Variants in KAZN observed in about 807,000 individuals in gnomAD.
KAZN encodes kazrin.
In KAZN, 40 loss-of-function variants were observed where a neutral mutation model predicts 87.4. The ratio of observed to expected loss-of-function variants is 0.46; its 90% CI spans 0.36 to 0.60. The LOEUF (loss-of-function observed/expected upper bound fraction) is 0.60. Ranked by LOEUF, KAZN falls within the 20% of genes least tolerant of loss-of-function variation. The probability of loss-of-function intolerance (pLI) is 0.00; values close to 1 mark genes in which losing one functional copy is unlikely to be tolerated. For missense variants in KAZN, 898 were observed against 1,073.9 expected, an observed-to-expected ratio of 0.84 and a Z score of 2.29; for synonymous variants, 466 against 458.3, an observed-to-expected ratio of 1.02 and a Z score of -0.22.
intron 1 of KAZN, among the ~76,000 whole-genome samples, chr1:13,965,159 C>T (rs970746372): frequency 6.6e-6 from 1 of 151,946 alleles, no homozygotes; most frequent in South Asian, 2.1e-4. Flanking sequence ...GAGGGGTGGG[C>T]GCTAGAGAGG....
chr1:14,880,536 AG>A (rs1239525504), intron 1 of KAZN, among the ~76,000 whole-genome samples: 1 of 152,180 alleles, frequency 6.6e-6, no homozygotes, highest in South Asian at 2.1e-4. Context: ...CATGATGTTC[AG>A]GGCCTCATCT....
At chr1:14,747,554 A>G (rs943178620) in intron 1 of KAZN, among the ~76,000 whole-genome samples, 1 of 152,244 alleles carries the variant, frequency 6.6e-6, no homozygotes, top group African/African-American at 2.4e-5. Flanking sequence ...TGCAGGGATT[A>G]TAGGCGCAAG....
chr1:14,730,031 A>C (rs1163307474), intron 1 of KAZN, among the ~76,000 whole-genome samples: 1 of 152,080 alleles, frequency 6.6e-6, no homozygotes, highest in Admixed American at 6.6e-5. Flanking sequence ...CAAAGCCCCA[A>C]ATTTTTATCA....
intron 1 of KAZN, among the ~76,000 whole-genome samples, chr1:14,128,165 G>A (rs1191729741): frequency 6.6e-6 from 1 of 152,130 alleles, no homozygotes; most frequent in Non-Finnish European, 1.5e-5. Context: ...CTTTTTGTGT[G>A]CTTGGGGGCA....
chr1:14,963,278 A>G (rs1052998086), intron 2 of KAZN, among the ~76,000 whole-genome samples: 8 of 152,212 alleles, frequency 5.3e-5, no homozygotes, highest in Non-Finnish European at 1.0e-4. Context: ...CTGGGTGCCA[A>G]CACTCTTCTA....
rs1553178777 is a variant in KAZN, at chr1:15,041,339, T to TTTTTTTTG, written c.556-2641_556-2634dup. 1.0e-4 allele frequency among the ~76,000 whole-genome samples: 15 copies of TTTTTTTTG among 145,764 alleles called. 1 individual carries two copies. Among genetic ancestry groups the TTTTTTTTG allele is most frequent in the South Asian group, 6.7e-4 (3 of 4,496 alleles). On this transcript the variant is annotated intron_variant, in intron 3 of 14. Transcript: ENST00000376030. Reference sequence around the variant, plus strand: ...CTCTCCGCATTTTTTTTCTTTTTTTTTTTTTTTGTTTTTTTGAGATGGAGT... The same window carrying TTTTTTTTG: ...CTCTCCGCATTTTTTTTCTTTTTTTTTTTTTTTGTTTTTTTGTTTTTTTGAGATGGAGT...
chr1:14,940,180 G>A (rs1193910380), intron 1 of KAZN, among the ~76,000 whole-genome samples: 1 of 152,206 alleles, frequency 6.6e-6, no homozygotes, highest in Non-Finnish European at 1.5e-5. Context: ...TGGGAAAGTA[G>A]CTGTGGTGGG....
At chr1:14,778,468 G>A (rs561605514) in intron 1 of KAZN, among the ~76,000 whole-genome samples, 16 of 151,814 alleles carry the variant, frequency 1.1e-4, no homozygotes, top group Non-Finnish European at 1.8e-4. Context: ...AATGCCTCCC[G>A]TCCCGTCAGG....
intron 1 of KAZN, among the ~76,000 whole-genome samples, chr1:14,751,159 A>G (rs1572392000): frequency 1.3e-5 from 2 of 152,102 alleles, no homozygotes; most frequent in African/African-American, 2.4e-5. Flanking sequence ...TGCTCATTTT[A>G]TGTTCACCCT....
intron 2 of KAZN, among the ~76,000 whole-genome samples, chr1:14,978,064 T>C (rs893432046): frequency 6.6e-6 from 1 of 151,802 alleles, no homozygotes; most frequent in Non-Finnish European, 1.5e-5. Context: ...TGCTATGGGG[T>C]CCATATATTG....
intron 2 of KAZN, among the ~76,000 whole-genome samples, chr1:14,373,980 A>G (rs1660704798): frequency 6.6e-6 from 1 of 152,200 alleles, no homozygotes; most frequent in Non-Finnish European, 1.5e-5. Flanking sequence ...GTGTAAACTA[A>G]CATAAGCCAA....
chr1:14,168,625 T>G (rs1645883596), intron 1 of KAZN, among the ~76,000 whole-genome samples: 1 of 152,044 alleles, frequency 6.6e-6, no homozygotes, highest in Non-Finnish European at 1.5e-5. Flanking sequence ...GTGACTTGAG[T>G]ACAAAACTGG....
chr1:14,097,737 A>T (rs1644160019), intron 1 of KAZN, among the ~76,000 whole-genome samples: 1 of 152,212 alleles, frequency 6.6e-6, no homozygotes, highest in South Asian at 2.1e-4. Flanking sequence ...TCATTTAGTT[A>T]GCTCAATCTG....
intron 2 of KAZN, among the ~76,000 whole-genome samples, chr1:14,426,682 G>A (rs186144439): frequency 3.3e-4 from 50 of 152,268 alleles, no homozygotes; most frequent in Non-Finnish European, 2.4e-4. Context: ...CAGGGCCCGG[G>A]TAGTCATGAG....
intron 1 of KAZN, among the ~76,000 whole-genome samples, chr1:14,882,456 A>T (rs902643794): frequency 6.6e-6 from 1 of 151,886 alleles, no homozygotes; most frequent in African/African-American, 2.4e-5. Flanking sequence ...TAGTAGGGGG[A>T]CTGGTCCATT....
At chr1:14,966,974 A>T (rs1034556500) in intron 2 of KAZN, among the ~76,000 whole-genome samples, 1 of 152,146 alleles carries the variant, frequency 6.6e-6, no homozygotes, top group Non-Finnish European at 1.5e-5. Context: ...CGGCCCCCGC[A>T]TATGTATTAC....
chr1:14,068,160 G>A (rs1412564485), intron 1 of KAZN, among the ~76,000 whole-genome samples: 1 of 152,118 alleles, frequency 6.6e-6, no homozygotes, highest in Admixed American at 6.6e-5. Context: ...CAAACATATT[G>A]ATGCAGAAAC....
intron 1 of KAZN, among the ~76,000 whole-genome samples, chr1:14,028,105 T>C (rs1219808495): frequency 4.6e-5 from 7 of 152,202 alleles, no homozygotes; most frequent in African/African-American, 7.2e-5. Flanking sequence ...TGGAGTAGCT[T>C]CTGTCCCCCC....
intron 1 of KAZN, among the ~76,000 whole-genome samples, chr1:14,155,170 T>G (rs1028130347): frequency 6.6e-6 from 1 of 152,120 alleles, no homozygotes; most frequent in South Asian, 2.1e-4. Context: ...TCTGGGCTTT[T>G]CTTTACTGGG....
Sources: gnomAD v4.1 joint callset for allele counts (sites outside exome capture counted in the v4.1 genomes callset) on GRCh38, gnomAD v4.1.1 for gene constraint, MANE v1.5 for transcripts, NCBI Gene and HGNC (gene_info 2026-07-23, HGNC 2026-07-21) for gene names.